Variants in EPHA1 observed in about 807,000 individuals in gnomAD.
EPHA1 encodes the protein EPH receptor A1, also known as ephrin type-A receptor 1.
A neutral mutation model predicts 110.1 loss-of-function variants in EPHA1; 92 were observed. That is an observed-to-expected ratio of 0.84 (90% CI 0.71 to 0.99). EPHA1 has a LOEUF of 0.99. EPHA1 is among the 50% of genes least tolerant of loss of function. EPHA1 has a pLI of 0.00. For missense variants in EPHA1, 1,204 were observed against 1,285.4 expected (o/e 0.94, Z 0.97); for synonymous variants, 500 against 516.1 (o/e 0.97, Z 0.42).
rs369211431 is a variant in EPHA1, at chr7:143,399,752, G to T, written c.734C>A (p.Pro245His). The T allele has an allele frequency of 6.2e-7, 1 of 1,613,668 alleles. No individual in the cohort carries two copies. Among genetic ancestry groups the T allele is most frequent in the Non-Finnish European group, 8.5e-7 (1 of 1,179,998 alleles). ...ARASPRPSGAPRMHCSPDGEW... is the reference protein window; with the variant it reads ...ARASPRPSGAHRMHCSPDGEW... ...GCCATCAGGGCTGCAGTGCATGCGG[G>T]GTGCACCTGAGGGCCTGGGGCTGGC... Residue 245 changes from proline (P) to histidine (H), a missense_variant, in exon 4 of 18, where the codon CCC becomes CAC. Physicochemically the swap from Pro to His is moderately conservative, Grantham distance 77. Coordinates refer to ENST00000275815, the MANE Select transcript of EPHA1 (RefSeq NM_005232.5).
intron 8 of EPHA1, 55 bp from the exon 9 acceptor site, chr7:143,397,712 G>A (rs978908441): frequency 4.3e-5 from 68 of 1,599,882 alleles, no homozygotes; most frequent in Non-Finnish European, 5.6e-5. Context: ...TAGGAATGAG[G>A]GGGGTTAAAG....
At chr7:143,396,781 G>A (rs1406059278) in intron 10 of EPHA1, 4 of 403,402 alleles carry the variant, frequency 9.9e-6, no homozygotes, top group African/African-American at 2.0e-5. Flanking sequence ...TGCCTGAGTT[G>A]CCCAATCTTC....
At chr7:143,402,495 C>A (rs773068048) in intron 2 of EPHA1, among the ~76,000 whole-genome samples, 53 of 152,172 alleles carry the variant, frequency 3.5e-4, no homozygotes, top group Non-Finnish European at 6.8e-4. Context: ...TAGGTTCAAG[C>A]GATTCTCCCA....
chr7:143,395,585 C>A lies in EPHA1; in HGVS notation c.1898-81G>T. ...ACAGGCAGCAACCCCTCCAGTCCTCCGGCCCTTTTCTTTTCTGGAGAATCA... is the reference window on the plus strand; with the variant it reads ...ACAGGCAGCAACCCCTCCAGTCCTCAGGCCCTTTTCTTTTCTGGAGAATCA... On this transcript the variant is annotated intron_variant, in intron 11 of 17. Transcript: ENST00000275815. This position sits in a 1 kb window ranked among gnomAD's most constrained non-coding sequence, Gnocchi z 4.7. The A allele has an allele frequency of 7.0e-7, 1 of 1,427,506 alleles. No homozygotes were observed. The highest frequency in any genetic ancestry group is 1.2e-5 in the South Asian group (1 of 80,512). The allele number at this position is 1,427,506 out of a possible 1,614,324, so 88.4% of individuals were successfully genotyped here.
At chr7:143,394,583 G>A (rs991152798) in intron 14 of EPHA1, among the ~76,000 whole-genome samples, 1 of 152,084 alleles carries the variant, frequency 6.6e-6, no homozygotes, top group African/African-American at 2.4e-5. Flanking sequence ...ACCATGCCCA[G>A]CTAATTTTTT....
rs200473622 is a variant in EPHA1 at position 143,399,784 on chromosome 7, G to T, written c.702C>A (p.His234Gln). 49 of 1,605,490 alleles carry T rather than the reference G, an allele frequency of 3.1e-5. No individual in the cohort carries two copies. The Admixed American group carries it at 7.8e-4, about 26-fold the overall frequency. Reference sequence around the variant, plus strand: ...CTGAGGGCCTGGGGCTGGCCCGCGCGTGGGGCAAGCAGGTCCCCGCCACTT... The same window carrying T: ...CTGAGGGCCTGGGGCTGGCCCGCGCTTGGGGCAAGCAGGTCCCCGCCACTT... ...LVEVAGTCLP[H>Q]ARASPRPSGA... Residue 234 changes from histidine (H) to glutamine (Q), a missense_variant, in exon 4 of 18, where the codon CAC (histidine) becomes CAA (glutamine). His to Gln is a conservative substitution (Grantham distance 24, BLOSUM62 0). Coordinates refer to ENST00000275815, the MANE Select transcript of EPHA1 (RefSeq NM_005232.5).
chr7:143,397,353 C>G lies in EPHA1; in HGVS notation c.1722G>C (p.Gln574His), dbSNP rs1263031167. Reference protein sequence around the residue: ...GILVFRSRRAQRQRQQRQRDR... With the variant: ...GILVFRSRRAHRQRQQRQRDR... ...CACGCTGCCTCTGCTGCCTCTGCCG[C>G]TGGGCTCTCCTGTGGGGGTTGGGGA... is the stretch of plus-strand genomic sequence containing the variant. The change falls in exon 10 of 18, where the codon CAG becomes CAC. Residue 574 changes from glutamine (Q) to histidine (H), a missense_variant. Coordinates refer to ENST00000275815, the MANE Select transcript of EPHA1 (RefSeq NM_005232.5). 1.3e-5 allele frequency: 20 copies of G among 1,549,856 alleles called. No homozygotes were observed. The highest frequency in any genetic ancestry group is 1.6e-5 in the Non-Finnish European group (18 of 1,146,882).
At position 143,401,051 on chromosome 7, in the gene EPHA1, G is replaced by A; in HGVS notation, c.432+273C>T. The A allele has an allele frequency of 4.3e-6, 2 of 467,646 alleles. No individual in the cohort carries two copies. Among genetic ancestry groups the A allele is most frequent in the Non-Finnish European group, 7.8e-6 (2 of 257,540 alleles). The allele number at this position is 467,646 out of a possible 1,614,324, so 29.0% of individuals were successfully genotyped here. On this transcript the variant is annotated intron_variant, in intron 3 of 17. Coordinates refer to ENST00000275815, the MANE Select transcript of EPHA1 (RefSeq NM_005232.5). The surrounding 1 kb of genome is among the most constrained non-coding windows in gnomAD (Gnocchi z 4.1). ...TGGGACTACAGGTATGGGCCACCATGCCCAGGTGATTTTTAATTTTTTGCA... is the reference window on the plus strand; with the variant it reads ...TGGGACTACAGGTATGGGCCACCATACCCAGGTGATTTTTAATTTTTTGCA...
chr7:143,397,921 T>G lies in EPHA1; in HGVS notation c.1614A>C (p.Pro538=). 1.2e-6 allele frequency: 2 copies of G among 1,613,904 alleles called. No individual in the cohort carries two copies. The highest frequency in any genetic ancestry group is 1.7e-6 in the Non-Finnish European group (2 of 1,179,838). The part of the protein sequence containing the change: ...SPDHEFRTSP[P]VSRGLTGGEI... ...GGGGCAGAGCACAAGATACCCCACC[T>G]GGTGGGCTGGTCCGAAACTCATGAT... is the stretch of plus-strand genomic sequence containing the variant. Residue 538 remains proline, a splice_region_variant and synonymous_variant, in exon 8 of 18, where the codon CCA becomes CCC. Coordinates refer to ENST00000275815, the MANE Select transcript of EPHA1 (RefSeq NM_005232.5).
chr7:143,408,210 G>C (rs1395250056), intron 1 of EPHA1, among the ~76,000 whole-genome samples: 3 of 152,162 alleles, frequency 2.0e-5, no homozygotes, highest in Non-Finnish European at 4.4e-5. Flanking sequence ...AAGTGGGGGG[G>C]AGTAAGGCCG....
chr7:143,397,206 C>T, intron 10 of EPHA1, 98 bp downstream of exon 10: 1 of 1,414,912 alleles, frequency 7.1e-7, no homozygotes. Context: ...CAAATGTGTC[C>T]CTTGATCCCT....
intron 8 of EPHA1, 129 bp from the exon 9 acceptor site, chr7:143,397,786 C>A: frequency 6.6e-7 from 1 of 1,523,022 alleles, no homozygotes; most frequent in Non-Finnish European, 9.0e-7. Context: ...TGTCTGTCCC[C>A]TACCCCCGGA....
Position 143,398,773 on chromosome 7 carries a change from C to A in EPHA1, c.1164G>T (p.Val388=), listed in dbSNP as rs780963342. The change falls in exon 6 of 18, where the codon GTG becomes GTT. Residue 388 remains valine (V), a synonymous_variant. Transcript: ENST00000275815. ...QDGGPCQPCG[V]GVHFSPGARG... Reference sequence around the variant, plus strand: ...GGGCCCCCGGCGAGAAGTGCACGCCCACCCCACAGGGCTGGCAGGGCCCCC... The same window carrying A: ...GGGCCCCCGGCGAGAAGTGCACGCCAACCCCACAGGGCTGGCAGGGCCCCC... 1 of 1,613,922 alleles carries A rather than the reference C, an allele frequency of 6.2e-7. No homozygotes were observed. Among genetic ancestry groups the A allele is most frequent in the Non-Finnish European group, 8.5e-7 (1 of 1,180,000 alleles).
At position 143,401,809 on chromosome 7, in the gene EPHA1, T is replaced by C. The variant is rs781057792; in HGVS notation, c.151-204A>G. Among the ~76,000 whole-genome samples the C allele has an allele frequency of 2.0e-5, 3 of 152,178 alleles. No individual in the cohort carries two copies. The highest frequency in any genetic ancestry group is 4.4e-5 in the Non-Finnish European group (3 of 68,036). ...TTTGGATATAAGATGGGCAAGACAA[T>C]AGTCCCTTAACATCCCTAGTTGATC... On this transcript the variant is annotated intron_variant, in intron 2 of 17. Transcript: ENST00000275815. The surrounding 1 kb of genome is among the most constrained non-coding windows in gnomAD (Gnocchi z 4.1).
chr7:143,404,802 CT>C (rs1299346230), intron 2 of EPHA1, among the ~76,000 whole-genome samples: 1 of 152,112 alleles, frequency 6.6e-6, no homozygotes, highest in Non-Finnish European at 1.5e-5. Context: ...CTTATTTCCT[CT>C]GTCAGATGAA....
chr7:143,407,550 C>T, intron 2 of EPHA1, 61 bp downstream of exon 2: 1 of 1,539,174 alleles, frequency 6.5e-7, no homozygotes, highest in South Asian at 1.1e-5. Context: ...CCCACCTCTC[C>T]ACCCCATTTC....
chr7:143,406,084 C>A (rs1162481661), intron 2 of EPHA1, among the ~76,000 whole-genome samples: 1 of 152,116 alleles, frequency 6.6e-6, no homozygotes, highest in Non-Finnish European at 1.5e-5. Context: ...CCCTAAAGCC[C>A]TCAAAATCCC....
chr7:143,399,908 G>A lies in EPHA1; in HGVS notation c.578C>T (p.Ala193Val). The A allele has an allele frequency of 6.2e-7, 1 of 1,612,386 alleles. No homozygotes were observed. The highest frequency in any genetic ancestry group is 8.5e-7 in the Non-Finnish European group (1 of 1,179,214). ...GTAGAAGACCCGGACAGACACCAGG[G>A]CCACACAGGCACCCGGGTTGTGGAA... ...LAFHNPGACV[A>V]LVSVRVFYQR... Residue 193 changes from alanine to valine, a missense_variant, in exon 4 of 18, where the codon GCC (alanine) becomes GTC (valine). Transcript: ENST00000275815.
At position 143,398,078 on chromosome 7, in the gene EPHA1, T is replaced by C. The variant is rs772348722; in HGVS notation, c.1465-8A>G. Reference sequence around the variant, plus strand: ...CTGGTACCGTTCTTCATCCTGTGGGTTGGAGTTGCATTAAGTGGGCAGTGC... The same window carrying C: ...CTGGTACCGTTCTTCATCCTGTGGGCTGGAGTTGCATTAAGTGGGCAGTGC... On this transcript the variant is annotated splice_polypyrimidine_tract_variant and splice_region_variant and intron_variant, in intron 7 of 17. Transcript: ENST00000275815. 1.9e-6 allele frequency: 3 copies of C among 1,613,668 alleles called. No individual in the cohort carries two copies. The highest frequency in any genetic ancestry group is 2.5e-6 in the Non-Finnish European group (3 of 1,179,726).
Sources: allele counts gnomAD v4.1 joint callset (sites outside exome capture counted in the v4.1 genomes callset), GRCh38; gene constraint gnomAD v4.1.1; non-coding constraint Gnocchi (gnomAD v3.1); transcripts MANE v1.5; gene names NCBI Gene and HGNC (gene_info 2026-07-23, HGNC 2026-07-21).